Variants in CNBD1 observed in about 807,000 individuals in gnomAD.
The protein encoded by CNBD1 is cyclic nucleotide binding domain containing 1.
Under a neutral mutation model 54.4 loss-of-function variants are expected in CNBD1, and 71 were observed. That is an observed-to-expected ratio of 1.30 (90% CI 1.08 to 1.59). The LOEUF is 1.59. CNBD1 is among the 40% of genes most tolerant of loss of function. CNBD1 has a pLI of 0.00. For synonymous variants in CNBD1, 182 were observed against 170.7 expected (o/e 1.07, Z -0.51); for missense variants, 659 against 518.0 (o/e 1.27, Z -2.64).
chr8:87,240,701 A>G (rs1807678627), intron 6 of CNBD1, among the ~76,000 whole-genome samples: 1 of 152,130 alleles, frequency 6.6e-6, no homozygotes. Flanking sequence ...CAGTCAGGAA[A>G]GGAAGGAGGC....
intron 4 of CNBD1, among the ~76,000 whole-genome samples, chr8:86,987,687 G>A (rs55662888): frequency 0.024 from 3,615 of 152,132 alleles, 140 homozygotes; most frequent in African/African-American, 0.08. Flanking sequence ...TCAATTCCTC[G>A]TCTGTTGGGA....
At chr8:87,315,188 G>T (rs1157019223) in intron 8 of CNBD1, among the ~76,000 whole-genome samples, 2 of 152,058 alleles carry the variant, frequency 1.3e-5, no homozygotes, top group African/African-American at 4.8e-5. Flanking sequence ...AGGGAAAATA[G>T]TGTAACAAAT....
At chr8:87,077,263 G>A (rs558990452) in intron 4 of CNBD1, among the ~76,000 whole-genome samples, 2 of 152,196 alleles carry the variant, frequency 1.3e-5, no homozygotes, top group East Asian at 3.9e-4. Context: ...TCACTGTTCT[G>A]GAGATTTAAA....
At chr8:87,407,495 T>A (rs10089691) in intron 2 of CNBD1, among the ~76,000 whole-genome samples, 40,782 of 151,872 alleles carry the variant, frequency 0.27, 6,414 homozygotes, top group Middle Eastern at 0.41. Flanking sequence ...TGCATATATT[T>A]CAAGTGGGCC....
At chr8:87,299,842 T>C (rs79318461) in intron 8 of CNBD1, among the ~76,000 whole-genome samples, 1,659 of 152,278 alleles carry the variant, frequency 0.011, 42 homozygotes, top group African/African-American at 0.038. Flanking sequence ...TGCAGCCAGG[T>C]GTCCTTTTGC....
intron 6 of CNBD1, among the ~76,000 whole-genome samples, chr8:87,267,379 A>G (rs1022622163): frequency 6.6e-6 from 1 of 152,168 alleles, no homozygotes; most frequent in Non-Finnish European, 1.5e-5. Context: ...AAATTAGACA[A>G]TATATAATGA....
chr8:87,359,613 T>G (rs1419534762), intron 10 of CNBD1, among the ~76,000 whole-genome samples: 1 of 152,142 alleles, frequency 6.6e-6, no homozygotes, highest in Admixed American at 6.6e-5. Context: ...AATTTGCATT[T>G]AATCTGCTAT....
intron 10 of CNBD1, among the ~76,000 whole-genome samples, chr8:87,369,757 G>A (rs901764289): frequency 5.7e-4 from 87 of 151,684 alleles, no homozygotes; most frequent in African/African-American, 2.1e-3. Flanking sequence ...TTAAGTTTTA[G>A]GGTACATGTG....
chr8:87,050,008 A>G (rs1449487386), intron 4 of CNBD1, among the ~76,000 whole-genome samples: 1 of 152,226 alleles, frequency 6.6e-6, no homozygotes, highest in Admixed American at 6.5e-5. Context: ...TAAGGATTGA[A>G]TGCCTTTCCT....
chr8:87,158,214 C>A (rs1483288245), intron 4 of CNBD1, among the ~76,000 whole-genome samples: 1 of 152,028 alleles, frequency 6.6e-6, no homozygotes, highest in East Asian at 1.9e-4. Flanking sequence ...GCAGCTATGA[C>A]TTTTGCTAAG....
intron 10 of CNBD1, among the ~76,000 whole-genome samples, chr8:87,364,780 A>T (rs964056882): frequency 6.6e-6 from 1 of 152,088 alleles, no homozygotes; most frequent in Non-Finnish European, 1.5e-5. Context: ...TATAAGGATA[A>T]TGTCCCCCAG....
chr8:87,087,269 AT>A (rs1328006773), intron 4 of CNBD1, among the ~76,000 whole-genome samples: 1 of 143,580 alleles, frequency 7.0e-6, no homozygotes, highest in African/African-American at 2.6e-5. Context: ...ATACATATAT[AT>A]ATACGTATAT....
intron 4 of CNBD1, among the ~76,000 whole-genome samples, chr8:87,130,440 G>A (rs936398467): frequency 6.6e-6 from 1 of 151,910 alleles, no homozygotes; most frequent in Admixed American, 6.6e-5. Context: ...AATGTTATTC[G>A]GCCCTTCTTT....
intron 10 of CNBD1, among the ~76,000 whole-genome samples, chr8:87,380,534 T>A (rs1051687953): frequency 6.6e-5 from 10 of 151,986 alleles, no homozygotes; most frequent in African/African-American, 2.4e-4. Context: ...TAAAAAATTG[T>A]TTTGTCTATT....
chr8:86,934,830 C>T (rs1011603833), intron 3 of CNBD1, among the ~76,000 whole-genome samples: 8 of 152,020 alleles, frequency 5.3e-5, no homozygotes, highest in African/African-American at 1.9e-4. Flanking sequence ...AAAATTATCC[C>T]TGGATTTAGT....
intron 2 of CNBD1, among the ~76,000 whole-genome samples, chr8:87,416,051 A>G (rs1435616947): frequency 1.3e-5 from 2 of 151,894 alleles, no homozygotes; most frequent in African/African-American, 4.8e-5. Context: ...AAGCTTTACT[A>G]TAAATAAGTT....
intron 1 of CNBD1, among the ~76,000 whole-genome samples, chr8:86,883,449 A>G (rs1808633249): frequency 6.6e-6 from 1 of 152,176 alleles, no homozygotes; most frequent in Non-Finnish European, 1.5e-5. Context: ...TGCAGATAAG[A>G]TTATGCAAAA....
intron 4 of CNBD1, among the ~76,000 whole-genome samples, chr8:87,011,007 G>A (rs1809208872): frequency 6.6e-6 from 1 of 152,004 alleles, no homozygotes; most frequent in African/African-American, 2.4e-5. Context: ...CCTTTGGAGA[G>A]GATTTAATTC....
rs534786708 is a variant in CNBD1 at position 87,331,029 on chromosome 8, A to G, written c.1043-20656A>G. Among the ~76,000 whole-genome samples, 16 of 152,184 alleles carry G rather than the reference A, an allele frequency of 1.1e-4. No individual in the cohort carries two copies. In the South Asian group the frequency reaches 2.5e-3, roughly 24 times the overall value. Reference sequence around the variant, plus strand: ...TGATATAGTTGCTCTAATATTTACCATATTTGTTAGTTTTCTTTTTTTATT... The same window carrying G: ...TGATATAGTTGCTCTAATATTTACCGTATTTGTTAGTTTTCTTTTTTTATT... On this transcript the variant is annotated intron_variant, in intron 8 of 10. Coordinates refer to ENST00000518476, the MANE Select transcript of CNBD1 (RefSeq NM_173538.3).
Sources: gnomAD v4.1 joint callset for allele counts (sites outside exome capture counted in the v4.1 genomes callset) on GRCh38, gnomAD v4.1.1 for gene constraint, MANE v1.5 for transcripts, NCBI Gene and HGNC (gene_info 2026-07-23, HGNC 2026-07-21) for gene names.